The following ST8SIA2 variants were observed in gnomAD, a reference collection of about 807,000 sequenced individuals.
The protein encoded by ST8SIA2 is alpha-2,8-sialyltransferase 8B.
In ST8SIA2, 22 loss-of-function variants were observed where a neutral mutation model predicts 37.6. The ratio of observed to expected loss-of-function variants is 0.58; its 90% confidence interval spans 0.42 to 0.83. ST8SIA2 has a LOEUF of 0.83. ST8SIA2 is among the 40% of genes least tolerant of loss of function. The probability of loss-of-function intolerance (pLI) is 0.00; values close to 1 mark genes in which losing one functional copy is unlikely to be tolerated. For missense variants in ST8SIA2, 382 were observed against 484.7 expected (o/e 0.79, Z 1.99); for synonymous variants, 205 against 201.2 (o/e 1.02, Z -0.16).
intron 1 of ST8SIA2, among the ~76,000 whole-genome samples, chr15:92,401,475 C>A (rs574689756): frequency 3.2e-4 from 48 of 152,326 alleles, no homozygotes; most frequent in African/African-American, 1.1e-3. Flanking sequence ...TTGGCTGTCA[C>A]TGACTTCGCG....
chr15:92,439,883 T>G (rs533391174), intron 4 of ST8SIA2, among the ~76,000 whole-genome samples: 5 of 147,618 alleles, frequency 3.4e-5, no homozygotes, highest in Admixed American at 2.7e-4. Flanking sequence ...GGTGAGTGTG[T>G]GGGGGCCAAG....
intron 1 of ST8SIA2, among the ~76,000 whole-genome samples, chr15:92,418,515 G>A (rs1429823795): frequency 6.6e-6 from 1 of 151,026 alleles, no homozygotes; most frequent in Non-Finnish European, 1.5e-5. Flanking sequence ...ACATGGAGGG[G>A]CTCAAGGGAA....
In ST8SIA2 at chr15:92,444,649, C is replaced by T; in HGVS notation, c.562C>T (p.Pro188Ser). Reference protein sequence around the residue: ...HSFVIRCNLAPVQEYARDVGL... With the variant: ...HSFVIRCNLASVQEYARDVGL... ...TTTCTCCGGCAGGTGCAACCTGGCC[C>T]CAGTACAGGAGTATGCCCGGGATGT... The change falls in exon 5 of 6, where the codon CCA (proline) becomes TCA (serine). Residue 188 changes from proline to serine, a missense_variant. Transcript: ENST00000268164. 3.1e-6 allele frequency: 5 copies of T among 1,614,202 alleles called. No individual in the cohort carries two copies. The highest frequency in any genetic ancestry group is 4.2e-6 in the Non-Finnish European group (5 of 1,180,030).
At chr15:92,461,400 A>G (rs1000768057) in intron 5 of ST8SIA2, among the ~76,000 whole-genome samples, 2 of 152,064 alleles carry the variant, frequency 1.3e-5, no homozygotes, top group African/African-American at 4.8e-5. Context: ...TGAAATAACC[A>G]TCCACTTCTT....
rs1243961632 is a variant in ST8SIA2 at position 92,430,105 on chromosome 15, C to T, written c.155C>T (p.Ser52Phe). The stretch of plus-strand genomic sequence containing the variant: ...GCTGTGAACAGCTTACATAGCAAAT[C>T]TAATAGGTTTGTAAATTAGATTTTG... The part of the protein sequence containing the change: ...RSAVNSLHSK[S>F]NRAEVVINGS... The change falls in exon 2 of 6, where the codon TCT (serine) becomes TTT (phenylalanine). Residue 52 changes from serine (S) to phenylalanine (F), a missense_variant. Transcript: ENST00000268164. 5.0e-6 allele frequency: 8 copies of T among 1,613,922 alleles called. No individual in the cohort carries two copies. The highest frequency in any genetic ancestry group is 6.8e-6 in the Non-Finnish European group (8 of 1,179,994).
chr15:92,444,514 T>C (rs1318622265), intron 4 of ST8SIA2, 122 bp from the exon 5 acceptor site: 6 of 1,199,804 alleles, frequency 5.0e-6, no homozygotes, highest in African/African-American at 1.5e-5. Flanking sequence ...TGTGGAGAGA[T>C]GCCCTGGGTC....
At chr15:92,438,252 C>G in intron 3 of ST8SIA2, 101 bp from the exon 4 acceptor site, 3 of 1,544,850 alleles carry the variant, frequency 1.9e-6, no homozygotes, top group Non-Finnish European at 2.7e-6. Context: ...GTTTGCTGGG[C>G]TGCAGCCACC....
chr15:92,458,859 A>G (rs1192264639), intron 5 of ST8SIA2, among the ~76,000 whole-genome samples: 1 of 152,212 alleles, frequency 6.6e-6, no homozygotes, highest in Non-Finnish European at 1.5e-5. Context: ...ACAATAAGAG[A>G]AGTAGAAACA....
At chr15:92,416,107 G>C (rs570562793) in intron 1 of ST8SIA2, among the ~76,000 whole-genome samples, 3 of 152,062 alleles carry the variant, frequency 2.0e-5, no homozygotes, top group Non-Finnish European at 4.4e-5. Flanking sequence ...TGGCAGATCA[G>C]CAGTCTCTGC....
intron 1 of ST8SIA2, among the ~76,000 whole-genome samples, chr15:92,429,198 A>G (rs2049697238): frequency 6.6e-6 from 1 of 152,224 alleles, no homozygotes; most frequent in South Asian, 2.1e-4. Flanking sequence ...CCCACACCGC[A>G]TACCCCATCA....
chr15:92,426,356 C>G (rs1188389779), intron 1 of ST8SIA2, among the ~76,000 whole-genome samples: 1 of 152,036 alleles, frequency 6.6e-6, no homozygotes, highest in Non-Finnish European at 1.5e-5. Flanking sequence ...CTGGTGGAAC[C>G]GGGGGTGAGG....
At chr15:92,456,266 G>A (rs74482817) in intron 5 of ST8SIA2, among the ~76,000 whole-genome samples, 6,454 of 152,306 alleles carry the variant, frequency 0.042, 233 homozygotes, top group Non-Finnish European at 0.062. Context: ...CCTTTCCCAT[G>A]TGCAGTCCTG....
intron 4 of ST8SIA2, among the ~76,000 whole-genome samples, chr15:92,441,887 A>G (rs2049805671): frequency 6.6e-6 from 1 of 152,200 alleles, no homozygotes; most frequent in African/African-American, 2.4e-5. Context: ...GCAGTGGACC[A>G]GGTAGTTGGC....
At chr15:92,428,785 T>C (rs2049694536) in intron 1 of ST8SIA2, among the ~76,000 whole-genome samples, 1 of 152,228 alleles carries the variant, frequency 6.6e-6, no homozygotes, top group Non-Finnish European at 1.5e-5. Flanking sequence ...ATCTGGAACC[T>C]TAAGGGAGAA....
rs769041715 is a variant in ST8SIA2, at chr15:92,438,333, C to T, written c.291-20C>T. 8.7e-6 allele frequency: 14 copies of T among 1,614,032 alleles called. No homozygotes were observed. The highest frequency in any genetic ancestry group is 6.7e-5 in the East Asian group (3 of 44,894). On this transcript the variant is annotated intron_variant, in intron 3 of 5. Transcript: ENST00000268164. ...GCTGGCACCCTGGAGAATTTCCTCA[C>T]GCATGTTTGGTTTTCACAGGAAGCA...
chr15:92,460,228 C>T (rs2049948105), intron 5 of ST8SIA2, among the ~76,000 whole-genome samples: 1 of 152,190 alleles, frequency 6.6e-6, no homozygotes, highest in African/African-American at 2.4e-5. Context: ...CACCAGTCAT[C>T]ACAGGAGTTC....
chr15:92,395,321 T>A (rs1243395752), intron 1 of ST8SIA2, among the ~76,000 whole-genome samples: 2 of 152,326 alleles, frequency 1.3e-5, no homozygotes, highest in East Asian at 3.9e-4. Flanking sequence ...GTTACTTCAT[T>A]TGTTATCTGT....
chr15:92,416,830 G>A lies in ST8SIA2; in HGVS notation c.99-13219G>A, dbSNP rs1004642286. 5.9e-5 allele frequency among the ~76,000 whole-genome samples: 9 copies of A among 152,056 alleles called. No homozygotes were observed. The South Asian group carries it at 6.2e-4, about 11-fold the overall frequency. ...ACATGTCCACTCCCCAGCAGGCCCC[G>A]CTCTGAACGGGCCCCCAGCACTCCA... On this transcript the variant is annotated intron_variant, in intron 1 of 5. Transcript: ENST00000268164.
intron 5 of ST8SIA2, among the ~76,000 whole-genome samples, chr15:92,458,112 C>T (rs2049932353): frequency 6.6e-6 from 1 of 152,204 alleles, no homozygotes; most frequent in African/African-American, 2.4e-5. Flanking sequence ...TACAGTAACA[C>T]ACCCTGAGAC....
Sources: allele counts gnomAD v4.1 joint callset (sites outside exome capture counted in the v4.1 genomes callset), GRCh38; gene constraint gnomAD v4.1.1; transcripts MANE v1.5; gene names NCBI Gene and HGNC (gene_info 2026-07-23, HGNC 2026-07-21).